The following AP3S2 variants were observed in gnomAD, a reference collection of about 807,000 sequenced individuals.
AP3S2 encodes the protein adaptor related protein complex 3 subunit sigma 2.
AP3S2 carries 22 observed loss-of-function variants against 23.4 expected under a neutral mutation model. The ratio of observed to expected loss-of-function variants is 0.94; its 90% confidence interval spans 0.67 to 1.34. The LOEUF (loss-of-function observed/expected upper bound fraction) is 1.34, where lower values mean the gene tolerates loss of function less well. Ranked by LOEUF, AP3S2 falls within the 40% of genes most tolerant of loss-of-function variation. The pLI is 0.00. For missense variants in AP3S2, 241 were observed against 236.9 expected, an observed-to-expected ratio of 1.02 and a Z score of -0.11; for synonymous variants, 86 against 87.1, an observed-to-expected ratio of 0.99 and a Z score of 0.07.
intron 4 of AP3S2, among the ~76,000 whole-genome samples, chr15:89,869,071 G>A (rs1221114315): frequency 4.6e-5 from 7 of 151,730 alleles, no homozygotes; most frequent in African/African-American, 1.7e-4. Context: ...TGGGAGGTGT[G>A]CCCAACAGCT....
chr15:89,872,019 C>T (rs1202349158), intron 3 of AP3S2, among the ~76,000 whole-genome samples: 1 of 149,952 alleles, frequency 6.7e-6, no homozygotes, highest in African/African-American at 2.5e-5. Context: ...GGCTGAGGCA[C>T]GAGAATAGCT....
chr15:89,859,094 G>C (rs765126573), intron 4 of AP3S2, among the ~76,000 whole-genome samples: 8 of 151,596 alleles, frequency 5.3e-5, no homozygotes, highest in Non-Finnish European at 1.2e-4. Flanking sequence ...CTGGGCTCAA[G>C]TGATCCTCTC....
Position 89,835,470 on chromosome 15 carries a change from T to C in AP3S2, c.*45A>G, listed in dbSNP as rs1895165694. 6.2e-7 allele frequency: 1 copy of C among 1,607,618 alleles called. No individual in the cohort carries two copies. The highest frequency in any genetic ancestry group is 8.5e-7 in the Non-Finnish European group (1 of 1,176,342). On this transcript the variant is annotated 3_prime_UTR_variant, in exon 6 of 6. Transcript: ENST00000336418. ...TTTCCAGACGTGCTTGCCTTGCTTGTCTTTGCTTGTCTTAAGGACTCTATT... is the reference window on the plus strand; with the variant it reads ...TTTCCAGACGTGCTTGCCTTGCTTGCCTTTGCTTGTCTTAAGGACTCTATT...
In AP3S2 at chr15:89,832,425, C is replaced by G. The variant is rs901608320; in HGVS notation, c.*3090G>C. ...CACCACTGCACTCCAGCCTGAGCCA[C>G]AGTGTGAGACCCCCATCTCACAAAA... On this transcript the variant is annotated 3_prime_UTR_variant, in exon 6 of 6. Transcript: ENST00000336418. The G allele has an allele frequency of 1.3e-5, 2 of 151,574 alleles. No homozygotes were observed. The highest frequency in any genetic ancestry group is 4.9e-5 in the African/African-American group (2 of 41,212). The allele number at this position is 151,574 out of a possible 1,614,324, so 9.4% of individuals were successfully genotyped here.
intron 4 of AP3S2, among the ~76,000 whole-genome samples, chr15:89,843,233 C>T (rs1465208564): frequency 6.6e-6 from 1 of 152,002 alleles, no homozygotes; most frequent in African/African-American, 2.4e-5. Context: ...ATCCGTCCGC[C>T]TTGGCCTCCC....
intron 4 of AP3S2, among the ~76,000 whole-genome samples, chr15:89,853,681 C>T (rs1475713738): frequency 5.0e-5 from 6 of 121,134 alleles, no homozygotes; most frequent in African/African-American, 1.6e-4. Context: ...TCTTCCCAGC[C>T]GCCATCACAT....
At chr15:89,880,752 GA>G (rs113417709) in intron 3 of AP3S2, among the ~76,000 whole-genome samples, 36 of 151,914 alleles carry the variant, frequency 2.4e-4, no homozygotes, top group African/African-American at 8.4e-4. Flanking sequence ...TAACTCAGTA[GA>G]ATAAAATGAA....
chr15:89,860,928 T>C (rs906695980), intron 4 of AP3S2, among the ~76,000 whole-genome samples: 2 of 152,192 alleles, frequency 1.3e-5, no homozygotes, highest in African/African-American at 4.8e-5. Context: ...AATACCTTAT[T>C]CTTCCAGACC....
At chr15:89,860,486 T>C (rs193025033) in intron 4 of AP3S2, among the ~76,000 whole-genome samples, 1 of 152,166 alleles carries the variant, frequency 6.6e-6, no homozygotes, top group Non-Finnish European at 1.5e-5. Context: ...ATGATTCCCA[T>C]CCTGGAGCAG....
At position 89,889,549 on chromosome 15, in the gene AP3S2, G is replaced by T. The variant is rs138013397; in HGVS notation, c.70-409C>A. The T allele has an allele frequency of 1.7e-3, 325 of 190,986 alleles. 1 individual carries two copies. The highest frequency in any genetic ancestry group is 7.1e-3 in the African/African-American group (304 of 42,560). The allele number at this position is 190,986 out of a possible 1,614,324, so 11.8% of individuals were successfully genotyped here. On this transcript the variant is annotated intron_variant, in intron 1 of 5. Transcript: ENST00000336418. ...AATCTCAACAGGTCTAACATTTTAA[G>T]AAGGTCAAGATGTGGGCCAGGCACA...
intron 1 of AP3S2, among the ~76,000 whole-genome samples, chr15:89,890,658 G>A (rs1422967233): frequency 6.6e-6 from 1 of 152,158 alleles, no homozygotes; most frequent in Non-Finnish European, 1.5e-5. Flanking sequence ...TGCTGGTCTG[G>A]GGACCACACT....
chr15:89,887,373 A>T lies in AP3S2; in HGVS notation c.273+1148T>A, dbSNP rs542026708. Among the ~76,000 whole-genome samples the T allele has an allele frequency of 9.2e-5, 14 of 151,862 alleles. No individual in the cohort carries two copies. In the South Asian group the frequency reaches 2.9e-3, roughly 32 times the overall value. On this transcript the variant is annotated intron_variant, in intron 3 of 5. Transcript: ENST00000336418. ...AGCATTTATTTATGTATTTATTTTTATTATTATTTTTTTTTTGAGACGGAG... is the reference window on the plus strand; with the variant it reads ...AGCATTTATTTATGTATTTATTTTTTTTATTATTTTTTTTTTGAGACGGAG...
chr15:89,838,640 A>G (rs1249578419), intron 4 of AP3S2, among the ~76,000 whole-genome samples: 4 of 152,186 alleles, frequency 2.6e-5, no homozygotes, highest in African/African-American at 9.7e-5. Flanking sequence ...GCTTTCGGTC[A>G]AGTTGGGAAG....
At chr15:89,863,882 A>AT in intron 4 of AP3S2, among the ~76,000 whole-genome samples, 1 of 152,150 alleles carries the variant, frequency 6.6e-6, no homozygotes, top group East Asian at 1.9e-4. Context: ...TAAAAAGATC[A>AT]TTTTCTATTA....
At chr15:89,891,469 G>A (rs2141906265) in intron 1 of AP3S2, among the ~76,000 whole-genome samples, 1 of 152,100 alleles carries the variant, frequency 6.6e-6, no homozygotes, top group East Asian at 1.9e-4. Flanking sequence ...GACCAGCCTG[G>A]CCAACACAGC....
chr15:89,866,144 C>T (rs2141872758), intron 4 of AP3S2, among the ~76,000 whole-genome samples: 1 of 151,774 alleles, frequency 6.6e-6, no homozygotes, highest in East Asian at 2.0e-4. Context: ...CACCTGTAGT[C>T]CCAGCTACTC....
At chr15:89,868,917 C>G (rs1220884502) in intron 4 of AP3S2, among the ~76,000 whole-genome samples, 6 of 145,640 alleles carry the variant, frequency 4.1e-5, no homozygotes, top group African/African-American at 1.6e-4. Context: ...GCCCCTCTGC[C>G]CGGCCAGCCG....
chr15:89,888,645 G>C lies in AP3S2; in HGVS notation c.162-13C>G. The stretch of plus-strand genomic sequence containing the variant: ...GCCACCAATCAAACTGCAGAAGATG[G>C]GAAACATTTAAATGCCCACAGCTTA... On this transcript the variant is annotated splice_polypyrimidine_tract_variant and intron_variant, in intron 2 of 5. Transcript: ENST00000336418. 8.1e-6 allele frequency: 13 copies of C among 1,611,778 alleles called. No individual in the cohort carries two copies. Among genetic ancestry groups the C allele is most frequent in the Non-Finnish European group, 1.1e-5 (13 of 1,178,234 alleles).
At chr15:89,835,708 A>T in intron 5 of AP3S2, 65 bp from the exon 6 acceptor site, 4 of 1,479,280 alleles carry the variant, frequency 2.7e-6, no homozygotes, top group Non-Finnish European at 3.6e-6. Context: ...TGCTAAAAAA[A>T]AAAAAAAAAA....
Sources: allele counts gnomAD v4.1 joint callset (sites outside exome capture counted in the v4.1 genomes callset), GRCh38; gene constraint gnomAD v4.1.1; transcripts MANE v1.5; gene names NCBI Gene and HGNC (gene_info 2026-07-23, HGNC 2026-07-21).